The following FBN1 variants were observed in gnomAD, a reference collection of about 807,000 sequenced individuals.
FBN1 encodes fibrillin-1.
In FBN1, 29 loss-of-function variants were observed where a neutral mutation model predicts 365.1. That is an observed-to-expected ratio of 0.08 (90% confidence interval 0.06 to 0.11). FBN1 has a LOEUF of 0.11. FBN1 is among the 10% of genes least tolerant of loss of function. FBN1 has a pLI of 1.00. For missense variants in FBN1, 2,476 were observed against 3,703.2 expected, an observed-to-expected ratio of 0.67 and a Z score of 8.60; for synonymous variants, 1,210 against 1,270.5, an observed-to-expected ratio of 0.95 and a Z score of 1.01.
intron 30 of FBN1, among the ~76,000 whole-genome samples, chr15:48,484,822 C>T (rs2043492575): frequency 6.6e-6 from 1 of 152,196 alleles, no homozygotes; most frequent in African/African-American, 2.4e-5. Context: ...CTTTGTTTCT[C>T]ACCTCTACCT....
chr15:48,562,255 G>A (rs1393066372), intron 6 of FBN1, among the ~76,000 whole-genome samples: 1 of 152,150 alleles, frequency 6.6e-6, no homozygotes, highest in Non-Finnish European at 1.5e-5. Flanking sequence ...GTGATGCTGG[G>A]ACATCTTCAG....
chr15:48,436,774 C>G (rs908018077), intron 53 of FBN1, among the ~76,000 whole-genome samples, 187 bp downstream of exon 53: 1 of 152,150 alleles, frequency 6.6e-6, no homozygotes, highest in Non-Finnish European at 1.5e-5. Flanking sequence ...GCTGCAGCTC[C>G]AGAGCCTAGC....
At chr15:48,608,936 A>G (rs2044635175) in intron 4 of FBN1, among the ~76,000 whole-genome samples, 1 of 152,170 alleles carries the variant, frequency 6.6e-6, no homozygotes, top group Non-Finnish European at 1.5e-5. Context: ...GACCTTCCCA[A>G]CTTAATACCC....
chr15:48,497,942 T>A (rs2043621774), intron 18 of FBN1, among the ~76,000 whole-genome samples: 1 of 152,250 alleles, frequency 6.6e-6, no homozygotes, highest in Non-Finnish European at 1.5e-5. Context: ...AATGCCCTCT[T>A]CACTCTGTGT....
chr15:48,439,800 T>C (rs2141243452), intron 50 of FBN1, among the ~76,000 whole-genome samples: 1 of 152,258 alleles, frequency 6.6e-6, no homozygotes, highest in East Asian at 1.9e-4. Context: ...ATGCACGAAG[T>C]CTTGAGTCAG....
At chr15:48,457,277 G>C (rs1369358235) in intron 43 of FBN1, among the ~76,000 whole-genome samples, 1 of 152,136 alleles carries the variant, frequency 6.6e-6, no homozygotes, top group Non-Finnish European at 1.5e-5. Context: ...AGCTGGGCTG[G>C]GGCTGACAAT....
At chr15:48,612,620 G>C (rs1299756392) in intron 3 of FBN1, among the ~76,000 whole-genome samples, 1 of 152,170 alleles carries the variant, frequency 6.6e-6, no homozygotes, top group African/African-American at 2.4e-5. Flanking sequence ...AGTCAGGTCT[G>C]CTCTTGGTCC....
At chr15:48,532,738 T>C (rs1468160562) in intron 8 of FBN1, among the ~76,000 whole-genome samples, 5 of 152,128 alleles carry the variant, frequency 3.3e-5, no homozygotes, top group Admixed American at 6.5e-5. Context: ...CCCCTTTCAG[T>C]GCCAACATTC....
At chr15:48,609,331 AC>A (rs1158201478) in intron 4 of FBN1, among the ~76,000 whole-genome samples, 3 of 152,242 alleles carry the variant, frequency 2.0e-5, no homozygotes, top group Non-Finnish European at 4.4e-5. Flanking sequence ...CCCAATTGTA[AC>A]TGGCTGTATT....
At chr15:48,531,990 G>A (rs1462660478) in intron 8 of FBN1, among the ~76,000 whole-genome samples, 1 of 152,182 alleles carries the variant, frequency 6.6e-6, no homozygotes, top group East Asian at 1.9e-4. Flanking sequence ...CATGTAGCTG[G>A]AAAATTTTTG....
chr15:48,576,762 A>G lies in FBN1; in HGVS notation c.538+19521T>C, dbSNP rs113689432. Reference sequence around the variant, plus strand: ...GTGGGGGATGGTGGGAGCAGTGGCAAACAAAATGTCTGCCCTCATGGAGTT... The same window carrying G: ...GTGGGGGATGGTGGGAGCAGTGGCAGACAAAATGTCTGCCCTCATGGAGTT... On this transcript the variant is annotated intron_variant, in intron 6 of 65. Transcript: ENST00000316623. Among the ~76,000 whole-genome samples, 980 of 152,244 alleles carry G rather than the reference A, an allele frequency of 6.4e-3. 10 individuals are homozygous for G. The highest frequency in any genetic ancestry group is 0.023 in the African/African-American group (953 of 41,548).
At chr15:48,559,692 G>A (rs758778540) in intron 6 of FBN1, among the ~76,000 whole-genome samples, 17 of 152,144 alleles carry the variant, frequency 1.1e-4, no homozygotes, top group Non-Finnish European at 2.2e-4. Flanking sequence ...AGTATTCAAG[G>A]GCAGACTGGA....
chr15:48,519,408 A>G (rs1237655466), intron 10 of FBN1, among the ~76,000 whole-genome samples: 1 of 152,252 alleles, frequency 6.6e-6, no homozygotes, highest in African/African-American at 2.4e-5. Context: ...AAGTGTAAAA[A>G]GCATGAGAAA....
At chr15:48,453,765 G>A (rs2141257360) in intron 44 of FBN1, among the ~76,000 whole-genome samples, 1 of 152,014 alleles carries the variant, frequency 6.6e-6, no homozygotes, top group Non-Finnish European at 1.5e-5. Flanking sequence ...GGGAATATAT[G>A]ATAAATCTTT....
At position 48,613,090 on chromosome 15, in the gene FBN1, G is replaced by A. The variant is rs1262119022; in HGVS notation, c.167C>T (p.Pro56Leu). The change falls in exon 3 of 66, where the codon CCC becomes CTC. Residue 56 changes from proline to leucine, a missense_variant and splice_region_variant. Pro to Leu is a moderately conservative substitution (Grantham distance 98). Coordinates refer to ENST00000316623, the MANE Select transcript of FBN1 (RefSeq NM_000138.5). ...GGGGHDALKGPNVCGSRYNAY... is the reference protein window; with the variant it reads ...GGGGHDALKGLNVCGSRYNAY... ...ATTATAACGTGATCCACAGACATTG[G>A]GTCTAAAACAAAAACAGAAGAATTC... 1.2e-6 allele frequency: 2 copies of A among 1,610,494 alleles called. No homozygotes were observed. Among genetic ancestry groups the A allele is most frequent in the African/African-American group, 2.7e-5 (2 of 74,726 alleles).
chr15:48,479,317 C>T (rs894164116), intron 32 of FBN1, among the ~76,000 whole-genome samples: 12 of 152,160 alleles, frequency 7.9e-5, no homozygotes, highest in Non-Finnish European at 1.5e-4. Context: ...AAATGTGATG[C>T]CCTTCCACAG....
At chr15:48,595,694 C>G (rs2044510350) in intron 6 of FBN1, among the ~76,000 whole-genome samples, 1 of 152,066 alleles carries the variant, frequency 6.6e-6, no homozygotes, top group African/African-American at 2.4e-5. Context: ...CCTCTTTGTG[C>G]CTTCATCTTC....
rs189938816 is a variant in FBN1, at chr15:48,537,015, C to T, written c.736+596G>A. On this transcript the variant is annotated intron_variant, in intron 7 of 65. Transcript: ENST00000316623. ...CATCCAGACAATAAAAGAATTTGTACAGCTGGAAGAACAGGAGTAAAAGCC... is the reference window on the plus strand; with the variant it reads ...CATCCAGACAATAAAAGAATTTGTATAGCTGGAAGAACAGGAGTAAAAGCC... 1.6e-3 allele frequency among the ~76,000 whole-genome samples: 248 copies of T among 152,262 alleles called. 1 individual carries two copies. Among genetic ancestry groups the T allele is most frequent in the Non-Finnish European group, 2.8e-3 (192 of 68,024 alleles).
intron 40 of FBN1, among the ~76,000 whole-genome samples, chr15:48,464,252 T>C (rs1447439957): frequency 1.3e-5 from 2 of 152,218 alleles, no homozygotes; most frequent in Admixed American, 6.5e-5. Flanking sequence ...GGCTCATGCC[T>C]GTAATCCCAG....
Sources: allele counts gnomAD v4.1 joint callset (sites outside exome capture counted in the v4.1 genomes callset), GRCh38; gene constraint gnomAD v4.1.1; transcripts MANE v1.5; gene names NCBI Gene and HGNC (gene_info 2026-07-23, HGNC 2026-07-21).